The following UNC13C variants were observed in gnomAD, a reference collection of about 807,000 sequenced individuals.
UNC13C encodes unc-13 homolog C.
In UNC13C, 174 loss-of-function variants were observed where a neutral mutation model predicts 245.4. The ratio of observed to expected loss-of-function variants is 0.71; its 90% CI spans 0.63 to 0.80. The LOEUF is 0.80. Among genes scored for constraint, UNC13C ranks in the 30% least tolerant of loss-of-function variants. The probability of loss-of-function intolerance (pLI) is 0.00; values close to 1 mark genes in which losing one functional copy is unlikely to be tolerated. For synonymous variants in UNC13C, 992 were observed against 895.1 expected (o/e 1.11, Z -1.93); for missense variants, 2,829 against 2,602.9 (o/e 1.09, Z -1.89).
At chr15:54,474,597 G>C (rs1892627624) in intron 19 of UNC13C, among the ~76,000 whole-genome samples, 1 of 151,954 alleles carries the variant, frequency 6.6e-6, no homozygotes, top group African/African-American at 2.4e-5. Context: ...ATTTTTGTCA[G>C]ATGAATAGTT....
intron 7 of UNC13C, among the ~76,000 whole-genome samples, chr15:54,246,422 T>C (rs1316099236): frequency 1.3e-5 from 2 of 151,460 alleles, no homozygotes; most frequent in African/African-American, 4.9e-5. Context: ...TGTTTTTTTT[T>C]TTTTCTAATT....
At chr15:54,072,817 C>T (rs1408805766) in intron 2 of UNC13C, among the ~76,000 whole-genome samples, 2 of 152,172 alleles carry the variant, frequency 1.3e-5, no homozygotes, top group Non-Finnish European at 2.9e-5. Context: ...AATGAATTTA[C>T]TAACCAAACC....
chr15:54,322,625 C>T (rs191576516), intron 14 of UNC13C, among the ~76,000 whole-genome samples: 1 of 152,104 alleles, frequency 6.6e-6, no homozygotes, highest in African/African-American at 2.4e-5. Context: ...TATGCAAAGG[C>T]ATCAAGAATG....
At chr15:53,849,719 T>G in the UNC13C span, among the ~76,000 whole-genome samples, 2,619 of 152,244 alleles carry the variant, frequency 0.017, 53 homozygotes, top group East Asian at 0.081. Context: ...TTCCACAAAA[T>G]GTATTCTGGC....
At chr15:54,567,185 A>G (rs1447635746) in intron 29 of UNC13C, among the ~76,000 whole-genome samples, 2 of 150,458 alleles carry the variant, frequency 1.3e-5, no homozygotes, top group African/African-American at 4.9e-5. Flanking sequence ...TAAATATTGG[A>G]AAATTTTGAG....
chr15:54,357,540 CT>C (rs145538821), intron 17 of UNC13C, among the ~76,000 whole-genome samples: 3,015 of 151,956 alleles, frequency 0.02, 50 homozygotes, highest in Middle Eastern at 0.061. Flanking sequence ...TTTAAACATA[CT>C]TTTTGTACAC....
chr15:53,892,261 G>T, the UNC13C span, among the ~76,000 whole-genome samples: 1 of 152,210 alleles, frequency 6.6e-6, no homozygotes, highest in African/African-American at 2.4e-5. Flanking sequence ...AGTCTAATGG[G>T]CTTCCCTTTG....
rs530126626 is a variant in UNC13C at position 54,474,534 on chromosome 15, G to C, written c.4934-20074G>C. Reference sequence around the variant, plus strand: ...TTTAATGTAATTATTTGTTGTGTTTGTTTGTTTTGTTTTGCTGTTTACTTG... The same window carrying C: ...TTTAATGTAATTATTTGTTGTGTTTCTTTGTTTTGTTTTGCTGTTTACTTG... On this transcript the variant is annotated intron_variant, in intron 19 of 32. Coordinates refer to ENST00000260323, the MANE Select transcript of UNC13C (RefSeq NM_001080534.3). 3.3e-5 allele frequency among the ~76,000 whole-genome samples: 5 copies of C among 151,798 alleles called. No homozygotes were observed. The South Asian group carries it at 6.2e-4, about 19-fold the overall frequency.
chr15:54,028,706 G>A (rs1287012816), intron 2 of UNC13C, among the ~76,000 whole-genome samples: 1 of 5,918 alleles, frequency 1.7e-4, no homozygotes, highest in African/African-American at 5.6e-4. Context: ...TTTTTTTTTT[G>A]AGACGGAGTC....
At chr15:54,342,075 T>C (rs188988893) in intron 17 of UNC13C, among the ~76,000 whole-genome samples, 1 of 152,200 alleles carries the variant, frequency 6.6e-6, no homozygotes, top group African/African-American at 2.4e-5. Flanking sequence ...TATTGGTGTG[T>C]TTGAACGTAT....
At chr15:54,010,534 C>T (rs1300049488) in intron 1 of UNC13C, among the ~76,000 whole-genome samples, 1 of 152,102 alleles carries the variant, frequency 6.6e-6, no homozygotes, top group Non-Finnish European at 1.5e-5. Flanking sequence ...GAAAAAGGCC[C>T]TTTAGTGAGG....
intron 19 of UNC13C, among the ~76,000 whole-genome samples, chr15:54,446,801 G>T (rs1028057178): frequency 4.5e-4 from 69 of 152,178 alleles, no homozygotes; most frequent in South Asian, 2.1e-4. Flanking sequence ...CTGCCTGATT[G>T]CCCTGGCCAG....
chr15:53,906,520 C>T, the UNC13C span, among the ~76,000 whole-genome samples: 13 of 152,102 alleles, frequency 8.5e-5, no homozygotes, highest in Non-Finnish European at 1.8e-4. Flanking sequence ...ATAAATGGCC[C>T]CTGTCTCCCT....
intron 1 of UNC13C, among the ~76,000 whole-genome samples, chr15:54,005,902 A>T (rs914776402): frequency 2.0e-5 from 3 of 152,192 alleles, no homozygotes; most frequent in African/African-American, 7.2e-5. Flanking sequence ...GGGAAATTAG[A>T]TGGGATATTT....
Position 54,013,767 on chromosome 15 carries a change from T to G in UNC13C, c.864T>G (p.Ile288Met). The G allele has an allele frequency of 6.2e-7, 1 of 1,610,708 alleles. No homozygotes were observed. Among genetic ancestry groups the G allele is most frequent in the Non-Finnish European group, 8.5e-7 (1 of 1,178,534 alleles). Residue 288 changes from isoleucine to methionine, a missense_variant, in exon 2 of 33, where the codon ATT becomes ATG. Transcript: ENST00000260323. The part of the protein sequence containing the change: ...SSSVEVVQSE[I>M]EQLRTGFVQS... Reference sequence around the variant, plus strand: ...GTGTGGAGGTTGTACAAAGTGAAATTGAGCAGTTGCGCACAGGGTTTGTCC... The same window carrying G: ...GTGTGGAGGTTGTACAAAGTGAAATGGAGCAGTTGCGCACAGGGTTTGTCC...
chr15:54,245,287 T>C (rs1240867469), intron 7 of UNC13C, among the ~76,000 whole-genome samples: 2 of 152,208 alleles, frequency 1.3e-5, no homozygotes, highest in Non-Finnish European at 2.9e-5. Flanking sequence ...GATTATGTTC[T>C]GTGTCATAAC....
intron 13 of UNC13C, among the ~76,000 whole-genome samples, chr15:54,318,901 C>T (rs1189849931): frequency 1.3e-5 from 2 of 151,780 alleles, no homozygotes; most frequent in African/African-American, 4.8e-5. Flanking sequence ...TAAGTTATTC[C>T]TGTGTCGCTC....
chr15:54,336,219 G>A (rs2038571001), intron 16 of UNC13C, among the ~76,000 whole-genome samples: 3 of 151,970 alleles, frequency 2.0e-5, no homozygotes, highest in African/African-American at 7.2e-5. Flanking sequence ...GCTTTAAAAT[G>A]TGTATACATT....
intron 1 of UNC13C, among the ~76,000 whole-genome samples, chr15:53,987,343 G>A (rs2140954696): frequency 6.6e-6 from 1 of 152,102 alleles, no homozygotes; most frequent in East Asian, 1.9e-4. Flanking sequence ...TGGATTATTT[G>A]CCTTGGGAGA....
Sources: allele counts gnomAD v4.1 joint callset (sites outside exome capture counted in the v4.1 genomes callset), GRCh38; gene constraint gnomAD v4.1.1; transcripts MANE v1.5; gene names NCBI Gene and HGNC (gene_info 2026-07-23, HGNC 2026-07-21).